Variants in ADAMTS12 observed in about 807,000 individuals in gnomAD.
ADAMTS12 encodes ADAM metallopeptidase with thrombospondin type 1 motif 12, also known as A disintegrin and metalloproteinase with thrombospondin motifs 12.
A neutral mutation model predicts 167.8 loss-of-function variants in ADAMTS12; 118 were observed. The ratio of observed to expected loss-of-function variants is 0.70; its 90% CI spans 0.61 to 0.82. The LOEUF (loss-of-function observed/expected upper bound fraction) is 0.82, where lower values mean the gene tolerates loss of function less well. Ranked by LOEUF, ADAMTS12 falls within the 40% of genes least tolerant of loss-of-function variation. The probability of loss-of-function intolerance (pLI) is 0.00; values close to 1 mark genes in which losing one functional copy is unlikely to be tolerated. For missense variants in ADAMTS12, 1,916 were observed against 1,998.8 expected (o/e 0.96, Z 0.79); for synonymous variants, 704 against 716.9 (o/e 0.98, Z 0.29).
Position 33,648,949 on chromosome 5 carries a change from C to T in ADAMTS12, c.1352G>A (p.Cys451Tyr). Residue 451 changes from cysteine to tyrosine, a missense_variant, in exon 9 of 24, where the codon TGT becomes TAT. Cys to Tyr is a radical substitution (Grantham distance 194). Coordinates refer to ENST00000504830, the MANE Select transcript of ADAMTS12 (RefSeq NM_030955.4). Reference protein sequence around the residue: ...TRFLDRGWGFCLDDIPKKKGL... With the variant: ...TRFLDRGWGFYLDDIPKKKGL... ...TTTCTTTTTAGGTATGTCATCAAGA[C>T]AGAACCCCCAGCCTCGGCTGAAAAC... The T allele has an allele frequency of 3.1e-6, 5 of 1,613,936 alleles. No homozygotes were observed. The highest frequency in any genetic ancestry group is 4.2e-6 in the Non-Finnish European group (5 of 1,179,842).
At chr5:33,650,798 TG>T (rs1448801662) in intron 7 of ADAMTS12, among the ~76,000 whole-genome samples, 1 of 152,214 alleles carries the variant, frequency 6.6e-6, no homozygotes, top group East Asian at 1.9e-4. Flanking sequence ...CTCTCTCCAC[TG>T]GGGTGGACTT....
rs559750806 is a variant in ADAMTS12 at position 33,887,754 on chromosome 5, T to C, written c.127+3976A>G. ...GTTTAGGCTCAGTCTATAGTAGTTA[T>C]TCTTTTTTTTTTTTTGAGACAGAGT... On this transcript the variant is annotated intron_variant, in intron 1 of 23. Coordinates refer to ENST00000504830, the MANE Select transcript of ADAMTS12 (RefSeq NM_030955.4). Among the ~76,000 whole-genome samples the C allele has an allele frequency of 2.3e-4, 35 of 151,626 alleles. No homozygotes were observed. The South Asian group carries it at 6.9e-3, about 30-fold the overall frequency.
At chr5:33,602,891 C>T (rs1236407757) in intron 16 of ADAMTS12, among the ~76,000 whole-genome samples, 2 of 152,194 alleles carry the variant, frequency 1.3e-5, no homozygotes, top group Non-Finnish European at 2.9e-5. Flanking sequence ...TCTCCAGGAA[C>T]TTTGTAGGCA....
intron 2 of ADAMTS12, among the ~76,000 whole-genome samples, chr5:33,794,992 C>G (rs1465531882): frequency 6.6e-6 from 1 of 152,078 alleles, no homozygotes; most frequent in East Asian, 1.9e-4. Flanking sequence ...AAAAAGTGAC[C>G]AAGTTTTTTT....
intron 22 of ADAMTS12, among the ~76,000 whole-genome samples, chr5:33,540,845 G>A (rs2111784354): frequency 6.6e-6 from 1 of 152,320 alleles, no homozygotes; most frequent in Non-Finnish European, 1.5e-5. Flanking sequence ...CAACATCAAA[G>A]ACCAAAATAG....
At chr5:33,783,296 G>C (rs1746208682) in intron 2 of ADAMTS12, among the ~76,000 whole-genome samples, 1 of 151,168 alleles carries the variant, frequency 6.6e-6, no homozygotes. Context: ...ATTTGAATTA[G>C]AAAAGAAGAA....
intron 3 of ADAMTS12, among the ~76,000 whole-genome samples, chr5:33,702,579 G>A (rs559286091): frequency 6.6e-6 from 1 of 152,110 alleles, no homozygotes; most frequent in Non-Finnish European, 1.5e-5. Context: ...AAATGAACTG[G>A]CTCACCCAGT....
intron 16 of ADAMTS12, among the ~76,000 whole-genome samples, chr5:33,610,928 G>A (rs1316628271): frequency 1.3e-5 from 2 of 152,042 alleles, no homozygotes; most frequent in Non-Finnish European, 1.5e-5. Flanking sequence ...TTAGCTGGAT[G>A]TGATGGTGCA....
chr5:33,663,166 A>G (rs1741328261), intron 5 of ADAMTS12, among the ~76,000 whole-genome samples: 1 of 152,256 alleles, frequency 6.6e-6, no homozygotes, highest in Admixed American at 6.5e-5. Flanking sequence ...AAAGTCACTG[A>G]GCTGCTCAGC....
At chr5:33,707,128 GC>G (rs1310869596) in intron 3 of ADAMTS12, among the ~76,000 whole-genome samples, 1 of 152,026 alleles carries the variant, frequency 6.6e-6, no homozygotes, top group East Asian at 1.9e-4. Flanking sequence ...AAATCAACGT[GC>G]AAAAATCAAG....
Position 33,546,152 on chromosome 5 carries a change from T to C in ADAMTS12, c.4353A>G (p.Pro1451=). The C allele has an allele frequency of 6.2e-7, 1 of 1,613,988 alleles. No homozygotes were observed. Among genetic ancestry groups the C allele is most frequent in the Non-Finnish European group, 8.5e-7 (1 of 1,179,964 alleles). Residue 1451 remains proline, a synonymous_variant, in exon 22 of 24, where the codon CCA becomes CCG. Transcript: ENST00000504830. ...TTTTTGTCCAATCACAGAGGCCTCC[T>C]GGACAGAACACTCCTCTCTCCTGAA... ...GGVQERGVFC[P]GGLCDWTKRP... is the part of the protein sequence containing the mutation.
At chr5:33,645,363 C>T (rs1740625281) in intron 9 of ADAMTS12, among the ~76,000 whole-genome samples, 2 of 152,048 alleles carry the variant, frequency 1.3e-5, no homozygotes, top group South Asian at 2.1e-4. Flanking sequence ...TCTCTCTTTC[C>T]TTTTGGTTGA....
intron 2 of ADAMTS12, among the ~76,000 whole-genome samples, chr5:33,867,495 A>C (rs1473678218): frequency 6.6e-6 from 1 of 152,218 alleles, no homozygotes. Context: ...GATAAAAAAA[A>C]CCACATATTG....
chr5:33,631,159 A>G (rs1364108935), intron 12 of ADAMTS12, among the ~76,000 whole-genome samples: 1 of 152,230 alleles, frequency 6.6e-6, no homozygotes, highest in Non-Finnish European at 1.5e-5. Context: ...AGGTTGCTTT[A>G]AAATACTCTA....
intron 19 of ADAMTS12, among the ~76,000 whole-genome samples, chr5:33,575,243 C>G (rs1746633345): frequency 6.6e-6 from 1 of 152,130 alleles, no homozygotes; most frequent in East Asian, 1.9e-4. Flanking sequence ...ATTGTTTTAA[C>G]AAGTTTTGTC....
chr5:33,689,169 C>A (rs1742458660), intron 3 of ADAMTS12, among the ~76,000 whole-genome samples: 1 of 152,176 alleles, frequency 6.6e-6, no homozygotes, highest in South Asian at 2.1e-4. Context: ...TGGATTTGAT[C>A]ATTTATCTTA....
intron 3 of ADAMTS12, among the ~76,000 whole-genome samples, chr5:33,742,907 A>G (rs1394198873): frequency 1.3e-5 from 2 of 152,238 alleles, no homozygotes; most frequent in Admixed American, 1.3e-4. Flanking sequence ...CAATAAACCA[A>G]TACACAAATA....
intron 3 of ADAMTS12, among the ~76,000 whole-genome samples, chr5:33,744,086 G>T (rs1744698114): frequency 6.6e-6 from 1 of 152,188 alleles, no homozygotes; most frequent in South Asian, 2.1e-4. Flanking sequence ...TTAAGTTCCT[G>T]CCGTGGCCAG....
intron 3 of ADAMTS12, among the ~76,000 whole-genome samples, chr5:33,716,751 T>C (rs1383000504): frequency 6.6e-6 from 1 of 152,158 alleles, no homozygotes; most frequent in Non-Finnish European, 1.5e-5. Context: ...TTTCTAGCAA[T>C]GATGGATCAT....
Sources: allele counts gnomAD v4.1 joint callset (sites outside exome capture counted in the v4.1 genomes callset), GRCh38; gene constraint gnomAD v4.1.1; transcripts MANE v1.5; gene names NCBI Gene and HGNC (gene_info 2026-07-23, HGNC 2026-07-21).